The following GABRG3 variants were observed in gnomAD, a reference collection of about 807,000 sequenced individuals.
GABRG3 encodes the protein gamma-aminobutyric acid type A receptor subunit gamma3, also known as gamma-aminobutyric acid receptor subunit gamma-3.
In GABRG3, 25 loss-of-function variants were observed where a neutral mutation model predicts 48.8. That is an observed-to-expected ratio of 0.51 (90% CI 0.37 to 0.72). GABRG3 has a LOEUF of 0.72. GABRG3 is among the 30% of genes least tolerant of loss of function. GABRG3 has a pLI of 0.00. For synonymous variants in GABRG3, 227 were observed against 217.6 expected (o/e 1.04, Z -0.38); for missense variants, 394 against 577.9 (o/e 0.68, Z 3.26).
intron 2 of GABRG3, among the ~76,000 whole-genome samples, chr15:27,011,072 G>A (rs1309268950): frequency 2.6e-5 from 4 of 152,004 alleles, no homozygotes; most frequent in South Asian, 2.1e-4. Flanking sequence ...AGCTGGACTC[G>A]AACTGGCTGG....
At position 27,532,798 on chromosome 15, in the gene GABRG3, C is replaced by G. The variant is rs757325899; in HGVS notation, c.1321C>G (p.Leu441Val). ...KGRIHIDILE[L>V]DSYSRVFFPT... ...GCGTATTCACATAGACATCTTGGAG[C>G]TGGACTCGTACTCCCGGGTCTTTTT... The change falls in exon 10 of 10, where the codon CTG (leucine) becomes GTG (valine). Residue 441 changes from leucine to valine, a missense_variant. Transcript: ENST00000615808. The G allele has an allele frequency of 6.2e-7, 1 of 1,613,990 alleles. No individual in the cohort carries two copies.
At chr15:27,134,811 A>G (rs1324439170) in intron 3 of GABRG3, among the ~76,000 whole-genome samples, 5 of 152,330 alleles carry the variant, frequency 3.3e-5, no homozygotes, top group East Asian at 3.9e-4. Context: ...AAAGCAGATG[A>G]TATTATGAAA....
At chr15:27,201,265 A>G (rs1023878195) in intron 3 of GABRG3, among the ~76,000 whole-genome samples, 1 of 151,660 alleles carries the variant, frequency 6.6e-6, no homozygotes, top group Non-Finnish European at 1.5e-5. Context: ...AGAGTTAGAC[A>G]AGCAGATACT....
At chr15:27,042,206 CAGAGAATTCCGGTTG>C (rs1896288423) in intron 3 of GABRG3, among the ~76,000 whole-genome samples, 1 of 152,190 alleles carries the variant, frequency 6.6e-6, no homozygotes, top group South Asian at 2.1e-4. Context: ...TCCCCTAGAC[CAGAGAATTCCGGTTG>C]AGAAGCTCCC....
chr15:27,257,632 G>A (rs1890660605), intron 3 of GABRG3, among the ~76,000 whole-genome samples: 1 of 152,136 alleles, frequency 6.6e-6, no homozygotes, highest in Non-Finnish European at 1.5e-5. Flanking sequence ...TGAAGAAGCT[G>A]TACCTACCAT....
At chr15:26,981,499 G>T (rs1282066458) in intron 2 of GABRG3, among the ~76,000 whole-genome samples, 1 of 152,222 alleles carries the variant, frequency 6.6e-6, no homozygotes, top group Non-Finnish European at 1.5e-5. Context: ...ACTGGATCCT[G>T]TTGTCTGATA....
At chr15:27,214,887 A>G (rs1889195156) in intron 3 of GABRG3, among the ~76,000 whole-genome samples, 1 of 152,192 alleles carries the variant, frequency 6.6e-6, no homozygotes, top group African/African-American at 2.4e-5. Context: ...CTGTTCTTCG[A>G]AAAACAAACT....
At chr15:27,158,703 TAAC>T (rs2140401894) in intron 3 of GABRG3, among the ~76,000 whole-genome samples, 2 of 152,288 alleles carry the variant, frequency 1.3e-5, no homozygotes, top group East Asian at 1.9e-4. Flanking sequence ...AAAAATTTAA[TAAC>T]AAATAAATGG....
At chr15:27,481,088 G>T in intron 6 of GABRG3, 10 of 1,152,706 alleles carry the variant, frequency 8.7e-6, no homozygotes, top group Non-Finnish European at 8.5e-6. Flanking sequence ...TTGCTGATGG[G>T]GAGAGTTCTG....
At chr15:27,486,944 C>G (rs1890235053) in intron 6 of GABRG3, among the ~76,000 whole-genome samples, 1 of 152,116 alleles carries the variant, frequency 6.6e-6, no homozygotes, top group Non-Finnish European at 1.5e-5. Flanking sequence ...ATCTTGAATG[C>G]AAATAGGAAT....
At chr15:27,362,027 T>C (rs1204974001) in intron 5 of GABRG3, among the ~76,000 whole-genome samples, 2 of 152,254 alleles carry the variant, frequency 1.3e-5, no homozygotes, top group Non-Finnish European at 2.9e-5. Context: ...ACGCTCATGA[T>C]GTTTTCCTAG....
chr15:26,999,913 T>G (rs1386079239), intron 2 of GABRG3, among the ~76,000 whole-genome samples: 1 of 152,180 alleles, frequency 6.6e-6, no homozygotes, highest in Non-Finnish European at 1.5e-5. Context: ...CTAGTATTAT[T>G]TTTAATCTCA....
At chr15:27,028,039 G>C (rs1233496137) in intron 3 of GABRG3, among the ~76,000 whole-genome samples, 1 of 152,178 alleles carries the variant, frequency 6.6e-6, no homozygotes, top group Non-Finnish European at 1.5e-5. Flanking sequence ...GCATATAGAG[G>C]GATTTTCCTG....
chr15:27,353,685 C>T (rs1894728437), intron 5 of GABRG3, among the ~76,000 whole-genome samples: 1 of 152,058 alleles, frequency 6.6e-6, no homozygotes, highest in Non-Finnish European at 1.5e-5. Flanking sequence ...CTTAAGTGAT[C>T]CACCCACCTC....
chr15:27,525,968 A>T (rs1340861374), intron 7 of GABRG3, among the ~76,000 whole-genome samples: 4 of 151,200 alleles, frequency 2.6e-5, no homozygotes, highest in Non-Finnish European at 5.9e-5. Flanking sequence ...AAATAAAATA[A>T]TTTTTTTCTA....
chr15:26,984,151 G>A (rs919831957), intron 2 of GABRG3, among the ~76,000 whole-genome samples: 2 of 152,112 alleles, frequency 1.3e-5, no homozygotes, highest in African/African-American at 4.8e-5. Context: ...GGATAATGTG[G>A]TATGGTGTGA....
intron 5 of GABRG3, among the ~76,000 whole-genome samples, chr15:27,444,469 G>A (rs948846246): frequency 6.6e-6 from 1 of 152,124 alleles, no homozygotes. Flanking sequence ...GGTTAATGAT[G>A]TCATGATATA....
chr15:27,129,324 A>G (rs1218915700), intron 3 of GABRG3, among the ~76,000 whole-genome samples: 4 of 152,190 alleles, frequency 2.6e-5, no homozygotes, highest in Non-Finnish European at 5.9e-5. Flanking sequence ...TCCTTTTGCT[A>G]CTGTTTAATT....
At chr15:26,979,823 A>AT (rs1212453070) in intron 2 of GABRG3, among the ~76,000 whole-genome samples, 1 of 152,100 alleles carries the variant, frequency 6.6e-6, no homozygotes, top group Non-Finnish European at 1.5e-5. Context: ...TTAAGGGACT[A>AT]TTTTTTTGAG....
Sources: allele counts gnomAD v4.1 joint callset (sites outside exome capture counted in the v4.1 genomes callset), GRCh38; gene constraint gnomAD v4.1.1; transcripts MANE v1.5; gene names NCBI Gene and HGNC (gene_info 2026-07-23, HGNC 2026-07-21).